Variants in KCNIP4 observed in about 807,000 individuals in gnomAD.
KCNIP4 encodes potassium voltage-gated channel interacting protein 4, also known as Kv channel-interacting protein 4.
Under a neutral mutation model 34.0 loss-of-function variants are expected in KCNIP4, and 12 were observed. The observed-to-expected ratio is 0.35, with a 90% CI of 0.23 to 0.57. The LOEUF (loss-of-function observed/expected upper bound fraction) is 0.57, where lower values mean the gene tolerates loss of function less well. KCNIP4 is among the 20% of genes least tolerant of loss of function. The pLI, the probability that KCNIP4 is intolerant of heterozygous loss-of-function variation, is 0.83. For missense variants in KCNIP4, 238 were observed against 311.7 expected, an observed-to-expected ratio of 0.76 and a Z score of 1.78; for synonymous variants, 124 against 102.2, an observed-to-expected ratio of 1.21 and a Z score of -1.29.
At position 21,346,080 on chromosome 4, in the gene KCNIP4, T is replaced by TATATATATATTATATAAAACAA. The variant is rs1461577641; in HGVS notation, c.62-463372_62-463371insTTGTTTTATATAATATATATAT. On this transcript the variant is annotated intron_variant, in intron 1 of 8. Coordinates refer to ENST00000382152, the MANE Select transcript of KCNIP4 (RefSeq NM_025221.6). The stretch of plus-strand genomic sequence containing the variant: ...AACTCGGGCAGTGTAATATATATAT[T>TATATATATATTATATAAAACAA]TAAGATATTTAAGATATCTTAAATA... Among the ~76,000 whole-genome samples, 126 of 127,244 alleles carry TATATATATATTATATAAAACAA rather than the reference T, an allele frequency of 9.9e-4. 3 individuals are homozygous for TATATATATATTATATAAAACAA. Among genetic ancestry groups the TATATATATATTATATAAAACAA allele is most frequent in the South Asian group, 5.0e-4 (2 of 3,998 alleles). 83.5% of individuals were successfully genotyped at this position (127,244 alleles called of 152,430 possible). A position where few individuals can be genotyped will look rare whatever the true frequency, so the allele number is the denominator to read the frequency against.
chr4:20,982,612 A>G (rs1374397217), intron 1 of KCNIP4, among the ~76,000 whole-genome samples: 1 of 152,262 alleles, frequency 6.6e-6, no homozygotes, highest in African/African-American at 2.4e-5. Flanking sequence ...AATAGAATGT[A>G]TGTTCTTATA....
chr4:21,200,354 G>A (rs28888195), intron 1 of KCNIP4, among the ~76,000 whole-genome samples: 7 of 60,686 alleles, frequency 1.2e-4, no homozygotes, highest in African/African-American at 8.4e-4. Flanking sequence ...ATATATGTGT[G>A]TATATATATA....
At chr4:20,828,950 C>T (rs532243378) in intron 3 of KCNIP4, among the ~76,000 whole-genome samples, 1 of 152,240 alleles carries the variant, frequency 6.6e-6, no homozygotes, top group East Asian at 1.9e-4. Context: ...CAGAAACCCC[C>T]CTTTAGGCCT....
intron 1 of KCNIP4, among the ~76,000 whole-genome samples, chr4:20,918,961 T>A (rs1229170905): frequency 6.6e-6 from 1 of 152,168 alleles, no homozygotes; most frequent in Non-Finnish European, 1.5e-5. Flanking sequence ...GGTGCTAACA[T>A]ACCAAAGGGG....
In KCNIP4 at chr4:21,858,799, C is replaced by T. The variant is rs536895302; in HGVS notation, c.61+89772G>A. Among the ~76,000 whole-genome samples the T allele has an allele frequency of 2.6e-5, 4 of 152,112 alleles. No individual in the cohort carries two copies. In the South Asian group the frequency reaches 6.2e-4, roughly 24 times the overall value. ...CCTTTTTAACAGTATTTAGGAAATC[C>T]TACTGATTACTGTTTTAAGACAACT... is the stretch of plus-strand genomic sequence containing the variant. On this transcript the variant is annotated intron_variant, in intron 1 of 8. Transcript: ENST00000382152.
chr4:21,571,353 T>C, intron 1 of KCNIP4, among the ~76,000 whole-genome samples: 1 of 152,184 alleles, frequency 6.6e-6, no homozygotes, highest in East Asian at 1.9e-4. Context: ...TGCAAAATAA[T>C]GATGTGCCTG....
chr4:21,914,516 C>A (rs1560179258), intron 1 of KCNIP4, among the ~76,000 whole-genome samples: 1 of 152,090 alleles, frequency 6.6e-6, no homozygotes, highest in African/African-American at 2.4e-5. Flanking sequence ...GTCTCTGCAC[C>A]ATGTGTCTCT....
At chr4:21,007,624 A>T (rs529512075) in intron 1 of KCNIP4, among the ~76,000 whole-genome samples, 29 of 152,272 alleles carry the variant, frequency 1.9e-4, no homozygotes, top group African/African-American at 7.0e-4. Flanking sequence ...TCTGAAAGCA[A>T]AGCAAGTGAA....
At chr4:20,815,141 T>G (rs1225677777) in intron 3 of KCNIP4, among the ~76,000 whole-genome samples, 2 of 152,230 alleles carry the variant, frequency 1.3e-5, no homozygotes, top group East Asian at 3.8e-4. Flanking sequence ...CAGCTGTTTT[T>G]TCATTCAAAC....
At chr4:21,394,619 A>G (rs1722832143) in intron 1 of KCNIP4, among the ~76,000 whole-genome samples, 1 of 152,160 alleles carries the variant, frequency 6.6e-6, no homozygotes, top group South Asian at 2.1e-4. Context: ...ATAGGCTCGA[A>G]CAAGAGCAAT....
chr4:21,206,694 G>A (rs1021498903), intron 1 of KCNIP4, among the ~76,000 whole-genome samples: 1 of 152,140 alleles, frequency 6.6e-6, no homozygotes, highest in Non-Finnish European at 1.5e-5. Flanking sequence ...TTCATTAACA[G>A]TACATAATTG....
Position 21,258,936 on chromosome 4 carries a change from A to AATC in KCNIP4, c.62-376228_62-376227insGAT, listed in dbSNP as rs553178261. On this transcript the variant is annotated intron_variant, in intron 1 of 8. Coordinates refer to ENST00000382152, the MANE Select transcript of KCNIP4 (RefSeq NM_025221.6). ...CATTAATGATGTCAATAATAATAATAATAGAAAACATTTTTTGAATGTTCA... is the reference window on the plus strand; with the variant it reads ...CATTAATGATGTCAATAATAATAATAATCATAGAAAACATTTTTTGAATGTTCA... Among the ~76,000 whole-genome samples the AATC allele has an allele frequency of 2.9e-3, 443 of 152,272 alleles. 4 individuals carry two copies. Among genetic ancestry groups the AATC allele is most frequent in the African/African-American group, 9.9e-3 (412 of 41,544 alleles).
chr4:21,598,513 AG>A, intron 1 of KCNIP4, among the ~76,000 whole-genome samples: 1 of 152,222 alleles, frequency 6.6e-6, no homozygotes, highest in Non-Finnish European at 1.5e-5. Flanking sequence ...TTACAAAACC[AG>A]GCAGGCAGCA....
At chr4:20,987,377 T>G (rs949175484) in intron 1 of KCNIP4, among the ~76,000 whole-genome samples, 1 of 151,410 alleles carries the variant, frequency 6.6e-6, no homozygotes, top group Non-Finnish European at 1.5e-5. Context: ...TACATTGTAA[T>G]GAGTCCTCCA....
At chr4:21,696,406 CA>C (rs1038527966) in intron 1 of KCNIP4, among the ~76,000 whole-genome samples, 1 of 152,138 alleles carries the variant, frequency 6.6e-6, no homozygotes, top group East Asian at 1.9e-4. Flanking sequence ...TCCTTACTTA[CA>C]GTGTGTGAGT....
chr4:20,819,591 T>C (rs1462996934), intron 3 of KCNIP4, among the ~76,000 whole-genome samples: 1 of 152,186 alleles, frequency 6.6e-6, no homozygotes, highest in Admixed American at 6.5e-5. Flanking sequence ...TGGGTTGTTA[T>C]AGTTTGAATG....
At chr4:21,126,674 G>A (rs868196446) in intron 1 of KCNIP4, among the ~76,000 whole-genome samples, 27 of 148,526 alleles carry the variant, frequency 1.8e-4, no homozygotes, top group African/African-American at 5.5e-4. Context: ...TTCCAATTTA[G>A]TGAAGAGAAA....
At position 21,289,955 on chromosome 4, in the gene KCNIP4, G is replaced by C. The variant is rs533129086; in HGVS notation, c.62-407246C>G. On this transcript the variant is annotated intron_variant, in intron 1 of 8. Coordinates refer to ENST00000382152, the MANE Select transcript of KCNIP4 (RefSeq NM_025221.6). ...AGGAAATGAAGCAAAACACATCAAT[G>C]GAGTGAAATGGTTTGTCCCTAAGAA... is the stretch of plus-strand genomic sequence containing the variant. Among the ~76,000 whole-genome samples, 137 of 152,178 alleles carry C rather than the reference G, an allele frequency of 9.0e-4. 1 individual carries two copies. In the South Asian group the frequency reaches 0.011, roughly 12 times the overall value.
At chr4:21,376,969 C>A (rs1326016009) in intron 1 of KCNIP4, among the ~76,000 whole-genome samples, 2 of 152,174 alleles carry the variant, frequency 1.3e-5, no homozygotes, top group East Asian at 1.9e-4. Flanking sequence ...AACATAATTT[C>A]TTTACGATCA....
Sources: gnomAD v4.1 joint callset for allele counts (sites outside exome capture counted in the v4.1 genomes callset) on GRCh38, gnomAD v4.1.1 for gene constraint, MANE v1.5 for transcripts, NCBI Gene and HGNC (gene_info 2026-07-23, HGNC 2026-07-21) for gene names.